The following ATP10B variants were observed in gnomAD, a reference collection of about 807,000 sequenced individuals.
ATP10B encodes phospholipid-transporting ATPase VB.
A neutral mutation model predicts 141.2 loss-of-function variants in ATP10B; 122 were observed. That is an observed-to-expected ratio of 0.86 (90% CI 0.75 to 1.00). The LOEUF (loss-of-function observed/expected upper bound fraction) is 1.00, where lower values mean the gene tolerates loss of function less well. Ranked by LOEUF, ATP10B falls within the 50% of genes least tolerant of loss-of-function variation. The pLI is 0.00. For missense variants in ATP10B, 1,876 were observed against 1,825.3 expected, an observed-to-expected ratio of 1.03 and a Z score of -0.51; for synonymous variants, 685 against 692.0, an observed-to-expected ratio of 0.99 and a Z score of 0.16.
At chr5:160,911,783 A>AT in the ATP10B span, among the ~76,000 whole-genome samples, 3 of 152,210 alleles carry the variant, frequency 2.0e-5, no homozygotes, top group African/African-American at 7.2e-5. Flanking sequence ...TGCAGGGACC[A>AT]TCTCACCCAG....
chr5:160,676,837 AT>A (rs1222703340), intron 6 of ATP10B, among the ~76,000 whole-genome samples: 3 of 152,198 alleles, frequency 2.0e-5, no homozygotes, highest in African/African-American at 7.2e-5. Context: ...AATAGCTTTT[AT>A]TTTTATCATT....
chr5:160,796,704 T>G (rs1771970429), intron 1 of ATP10B, among the ~76,000 whole-genome samples: 1 of 152,206 alleles, frequency 6.6e-6, no homozygotes, highest in African/African-American at 2.4e-5. Flanking sequence ...GCACCACAAC[T>G]GATTCCCTTC....
At chr5:160,919,117 G>A in the ATP10B span, among the ~76,000 whole-genome samples, 6 of 148,290 alleles carry the variant, frequency 4.0e-5, no homozygotes, top group Admixed American at 3.4e-4. Context: ...CCAGCTACAC[G>A]GGAGGCTGAG....
At chr5:160,878,668 T>C in the ATP10B span, among the ~76,000 whole-genome samples, 1 of 152,112 alleles carries the variant, frequency 6.6e-6, no homozygotes, top group Non-Finnish European at 1.5e-5. Flanking sequence ...CAATCTACAA[T>C]GAACTCAAAC....
At chr5:160,793,387 G>A (rs10037151) in intron 1 of ATP10B, among the ~76,000 whole-genome samples, 66,637 of 151,664 alleles carry the variant, frequency 0.44, 14,681 homozygotes, top group East Asian at 0.6. Context: ...AAGTAATGCA[G>A]CTTAAGCGTT....
chr5:160,894,578 T>C, the ATP10B span, among the ~76,000 whole-genome samples: 1 of 152,142 alleles, frequency 6.6e-6, no homozygotes, highest in African/African-American at 2.4e-5. Flanking sequence ...CTATGTTTGA[T>C]TGGTGCACCT....
chr5:160,788,185 G>A (rs1037531649), intron 1 of ATP10B, among the ~76,000 whole-genome samples: 2 of 152,132 alleles, frequency 1.3e-5, no homozygotes, highest in East Asian at 1.9e-4. Context: ...CTGAGAGTTA[G>A]AGACAGACAG....
At chr5:160,730,221 G>A (rs1006107907) in intron 2 of ATP10B, among the ~76,000 whole-genome samples, 8 of 152,152 alleles carry the variant, frequency 5.3e-5, no homozygotes, top group Non-Finnish European at 7.3e-5. Flanking sequence ...CTCAAAGAAG[G>A]TAAGGCATCT....
At chr5:160,804,222 T>A (rs2127936512) in intron 1 of ATP10B, among the ~76,000 whole-genome samples, 1 of 152,288 alleles carries the variant, frequency 6.6e-6, no homozygotes, top group Middle Eastern at 3.4e-3. Context: ...TTTGTCAAAG[T>A]CCCCTTTTTG....
intron 2 of ATP10B, among the ~76,000 whole-genome samples, chr5:160,742,866 T>G (rs1198914766): frequency 6.6e-6 from 1 of 152,224 alleles, no homozygotes; most frequent in Non-Finnish European, 1.5e-5. Flanking sequence ...AAATAAGTTT[T>G]AATTGCTTTT....
the ATP10B span, among the ~76,000 whole-genome samples, chr5:160,874,626 A>C: frequency 1.3e-5 from 2 of 152,172 alleles, no homozygotes; most frequent in Non-Finnish European, 2.9e-5. Context: ...AAAGAAGTTG[A>C]AAACTTTGAA....
At chr5:160,778,931 T>C (rs1770527999) in intron 2 of ATP10B, among the ~76,000 whole-genome samples, 1 of 152,182 alleles carries the variant, frequency 6.6e-6, no homozygotes, top group South Asian at 2.1e-4. Context: ...GTCTAGTTCA[T>C]CACTTGCAAA....
intron 1 of ATP10B, among the ~76,000 whole-genome samples, chr5:160,823,632 A>C (rs182456879): frequency 1.3e-5 from 2 of 152,146 alleles, no homozygotes; most frequent in Non-Finnish European, 2.9e-5. Flanking sequence ...CGAGGTGGGC[A>C]GATCATGAGG....
chr5:160,615,042 T>C (rs1296985597), intron 17 of ATP10B, among the ~76,000 whole-genome samples: 2 of 152,220 alleles, frequency 1.3e-5, no homozygotes, highest in African/African-American at 2.4e-5. Flanking sequence ...AATCAGTCTC[T>C]GTGCTTCTCT....
intron 1 of ATP10B, among the ~76,000 whole-genome samples, chr5:160,839,087 C>A (rs912858078): frequency 6.6e-6 from 1 of 152,152 alleles, no homozygotes; most frequent in African/African-American, 2.4e-5. Flanking sequence ...GTACAGCCTG[C>A]AGAACCATAC....
Position 160,767,645 on chromosome 5 carries a change from C to CCT in ATP10B, c.-331+17913_-331+17914insAG, listed in dbSNP as rs1021666988. 1.5e-4 allele frequency among the ~76,000 whole-genome samples: 20 copies of CCT among 134,186 alleles called. 1 individual carries two copies. Among genetic ancestry groups the CCT allele is most frequent in the African/African-American group, 4.9e-4 (19 of 38,906 alleles). The allele number at this position is 134,186 out of a possible 152,430, so 88.0% of individuals were successfully genotyped here. A position where few individuals can be genotyped will look rare whatever the true frequency, so the allele number is the denominator to read the frequency against. ...GGTCATGTGTGCAGAACCCCCCCCC[C>CCT]CAAAATAACAGGTTACTCTGACTGG... On this transcript the variant is annotated intron_variant, in intron 2 of 25. Transcript: ENST00000327245.
intron 2 of ATP10B, among the ~76,000 whole-genome samples, chr5:160,755,022 T>C (rs770139974): frequency 2.0e-5 from 3 of 152,230 alleles, no homozygotes; most frequent in Non-Finnish European, 4.4e-5. Context: ...TCTGTATTAG[T>C]CTGTTTTCAT....
the ATP10B span, among the ~76,000 whole-genome samples, chr5:160,868,969 G>C: frequency 6.6e-6 from 1 of 152,110 alleles, no homozygotes; most frequent in African/African-American, 2.4e-5. Flanking sequence ...CCGGGGAAAA[G>C]TATGCATTGG....
At position 160,813,086 on chromosome 5, in the gene ATP10B, T is replaced by C. The variant is rs1164136517; in HGVS notation, c.-575-27283A>G. Among the ~76,000 whole-genome samples, 2 of 152,352 alleles carry C rather than the reference T, an allele frequency of 1.3e-5. 1 individual carries two copies. Among genetic ancestry groups the C allele is most frequent in the South Asian group, 4.1e-4 (2 of 4,832 alleles). On this transcript the variant is annotated intron_variant, in intron 1 of 25. Transcript: ENST00000327245. ...GCAGAAGATGGGTGATTTCTGCATT[T>C]CCAACTGAGGTACCAGGTTCATCTC...
Sources: allele counts gnomAD v4.1 joint callset (sites outside exome capture counted in the v4.1 genomes callset), GRCh38; gene constraint gnomAD v4.1.1; transcripts MANE v1.5; gene names NCBI Gene and HGNC (gene_info 2026-07-23, HGNC 2026-07-21).